Variants in PLXNA2 observed in about 807,000 individuals in gnomAD.
PLXNA2 encodes plexin-A2.
Under a neutral mutation model 193.5 loss-of-function variants are expected in PLXNA2, and 91 were observed. The observed-to-expected ratio is 0.47, with a 90% CI of 0.40 to 0.56. PLXNA2 has a LOEUF of 0.56. Among genes scored for constraint, PLXNA2 ranks in the 20% least tolerant of loss-of-function variants. The pLI is 0.00. For synonymous variants in PLXNA2, 997 were observed against 1,027.3 expected, an observed-to-expected ratio of 0.97 and a Z score of 0.56; for missense variants, 1,995 against 2,503.2, an observed-to-expected ratio of 0.80 and a Z score of 4.33.
At chr1:208,152,137 A>G (rs542170914) in intron 3 of PLXNA2, among the ~76,000 whole-genome samples, 3 of 152,312 alleles carry the variant, frequency 2.0e-5, no homozygotes, top group African/African-American at 7.2e-5. Context: ...CTTTGCTTTC[A>G]TTAACACTGA....
rs1456510493 is a variant in PLXNA2 at position 208,022,972 on chromosome 1, A to T, written c.*4271T>A. 6.6e-6 allele frequency: 1 copy of T among 152,224 alleles called. No individual in the cohort carries two copies. The highest frequency in any genetic ancestry group is 2.4e-5 in the African/African-American group (1 of 41,458). 9.4% of individuals were successfully genotyped at this position (152,224 alleles called of 1,614,324 possible). On this transcript the variant is annotated 3_prime_UTR_variant, in exon 32 of 32. Coordinates refer to ENST00000367033, the MANE Select transcript of PLXNA2 (RefSeq NM_025179.4). The stretch of plus-strand genomic sequence containing the variant: ...TAGAAAATACCAAGAGTGAAACTTT[A>T]TCCCTCATTCATGGGGATCACTGAG...
chr1:208,055,442 G>T (rs1288241546), intron 13 of PLXNA2, among the ~76,000 whole-genome samples: 1 of 152,104 alleles, frequency 6.6e-6, no homozygotes, highest in Non-Finnish European at 1.5e-5. Context: ...AGGGACTTGG[G>T]GAAACTCTTG....
At chr1:208,034,441 G>C (rs1436928337) in intron 27 of PLXNA2, 52 bp downstream of exon 27, 1 of 1,173,440 alleles carries the variant, frequency 8.5e-7, no homozygotes, top group South Asian at 1.2e-5. Flanking sequence ...GGCCCTGCTA[G>C]GTCTCAGAAG....
intron 3 of PLXNA2, among the ~76,000 whole-genome samples, chr1:208,203,957 C>A (rs1219985834): frequency 6.6e-6 from 1 of 152,210 alleles, no homozygotes; most frequent in Non-Finnish European, 1.5e-5. Flanking sequence ...GCTGCTACTG[C>A]AAGAAGCTCA....
At chr1:208,067,311 T>G (rs914515993) in intron 12 of PLXNA2, among the ~76,000 whole-genome samples, 1 of 146,364 alleles carries the variant, frequency 6.8e-6, no homozygotes, top group South Asian at 2.1e-4. Context: ...ACCATTGCAC[T>G]CCAGCTTGGG....
chr1:208,141,941 C>T (rs1668467483), intron 4 of PLXNA2, among the ~76,000 whole-genome samples: 1 of 152,260 alleles, frequency 6.6e-6, no homozygotes, highest in Non-Finnish European at 1.5e-5. Context: ...GGGTCTGCCT[C>T]TCCCAGGAGT....
At chr1:208,077,753 C>T (rs1232238286) in intron 12 of PLXNA2, among the ~76,000 whole-genome samples, 1 of 152,188 alleles carries the variant, frequency 6.6e-6, no homozygotes. Flanking sequence ...CTTCCAGAGA[C>T]ATAAAGACAC....
At chr1:208,206,521 C>T (rs1670727772) in intron 3 of PLXNA2, among the ~76,000 whole-genome samples, 1 of 152,172 alleles carries the variant, frequency 6.6e-6, no homozygotes, top group Non-Finnish European at 1.5e-5. Context: ...TTTGTACCTT[C>T]TCAGTGTGGC....
In PLXNA2 at chr1:208,098,456, T is replaced by TCACACACACACACACA. The variant is rs1214971611; in HGVS notation, c.1731+389_1731+390insTGTGTGTGTGTGTGTG. ...TCCTCTCTCTCTCTCTCTCTCTCTCTCTCACACACACACACACACACACAC... is the reference window on the plus strand; with the variant it reads ...TCCTCTCTCTCTCTCTCTCTCTCTCTCACACACACACACACACTCACACACACACACACACACACAC... On this transcript the variant is annotated intron_variant, in intron 6 of 31. Transcript: ENST00000367033. 8.2e-5 allele frequency among the ~76,000 whole-genome samples: 9 copies of TCACACACACACACACA among 109,106 alleles called. No individual in the cohort carries two copies. The Admixed American group carries it at 9.0e-4, about 11-fold the overall frequency. The allele number at this position is 109,106 out of a possible 152,430, so 71.6% of individuals were successfully genotyped here.
At chr1:208,041,159 T>C (rs2785622) in intron 22 of PLXNA2, among the ~76,000 whole-genome samples, 21,899 of 152,220 alleles carry the variant, frequency 0.14, 2,056 homozygotes, top group East Asian at 0.38. Flanking sequence ...GAGTTTCTAA[T>C]GCTCAGATTG....
At chr1:208,067,828 GTGCT>G (rs1207013646) in intron 12 of PLXNA2, among the ~76,000 whole-genome samples, 1 of 152,194 alleles carries the variant, frequency 6.6e-6, no homozygotes, top group Non-Finnish European at 1.5e-5. Context: ...GACTGTACAT[GTGCT>G]CGCTGGGAGA....
chr1:208,034,032 A>T (rs1664592423), intron 27 of PLXNA2, among the ~76,000 whole-genome samples: 1 of 152,184 alleles, frequency 6.6e-6, no homozygotes, highest in Non-Finnish European at 1.5e-5. Flanking sequence ...GAGCAAATAA[A>T]ATAAGGGACA....
In PLXNA2 at chr1:208,216,976, G is replaced by T; in HGVS notation, c.947C>A (p.Ala316Asp). Residue 316 changes from alanine to aspartate, a missense_variant, in exon 2 of 32, where the codon GCC becomes GAC. Physicochemically the swap from Ala to Asp is moderately radical, Grantham distance 126. Transcript: ENST00000367033. Reference protein sequence around the residue: ...EYRLLQAAYLAKPGDSLAQAF... With the variant: ...EYRLLQAAYLDKPGDSLAQAF... ...CTGGGCCAGTGAGTCCCCAGGCTTG[G>T]CCAGGTAAGCAGCCTGCAGGAGGCG... The T allele has an allele frequency of 6.2e-7, 1 of 1,613,266 alleles. No homozygotes were observed. The highest frequency in any genetic ancestry group is 1.3e-5 in the African/African-American group (1 of 75,044).
intron 3 of PLXNA2, among the ~76,000 whole-genome samples, chr1:208,159,434 CTAAAG>C (rs1182732383): frequency 6.6e-6 from 1 of 152,218 alleles, no homozygotes; most frequent in Non-Finnish European, 1.5e-5. Flanking sequence ...GGAGCCTATG[CTAAAG>C]TACCAGGCTC....
intron 3 of PLXNA2, among the ~76,000 whole-genome samples, chr1:208,152,717 A>C (rs186116038): frequency 7.2e-6 from 1 of 138,844 alleles, no homozygotes; most frequent in African/African-American, 2.7e-5. Context: ...ACACACACAC[A>C]CCACCTTCAA....
intron 1 of PLXNA2, among the ~76,000 whole-genome samples, chr1:208,232,043 A>G (rs1671708613): frequency 6.6e-6 from 1 of 152,226 alleles, no homozygotes; most frequent in Non-Finnish European, 1.5e-5. Context: ...GTGAATGTTT[A>G]GAGGAAAAGG....
chr1:208,091,023 G>A (rs1666689094), intron 9 of PLXNA2, among the ~76,000 whole-genome samples: 1 of 152,214 alleles, frequency 6.6e-6, no homozygotes. Flanking sequence ...TCCAGGGCTG[G>A]AGTTAATCTC....
chr1:208,234,013 C>A (rs1022708384), intron 1 of PLXNA2, among the ~76,000 whole-genome samples: 1 of 152,134 alleles, frequency 6.6e-6, no homozygotes, highest in Admixed American at 6.5e-5. Flanking sequence ...ACTGCTTCAT[C>A]GTGAGATGCC....
chr1:208,161,943 T>C (rs993973756), intron 3 of PLXNA2, among the ~76,000 whole-genome samples: 6 of 152,262 alleles, frequency 3.9e-5, no homozygotes, highest in Non-Finnish European at 8.8e-5. Context: ...GGAGTCTGAA[T>C]GTGGCCTGGG....
Sources: allele counts gnomAD v4.1 joint callset (sites outside exome capture counted in the v4.1 genomes callset), GRCh38; gene constraint gnomAD v4.1.1; transcripts MANE v1.5; gene names NCBI Gene and HGNC (gene_info 2026-07-23, HGNC 2026-07-21).